Variants in SIGLECL1 observed in about 807,000 individuals in gnomAD.
SIGLECL1 encodes the protein SIGLEC family like 1, also known as SIGLEC family-like protein 1.
A neutral mutation model predicts 19.1 loss-of-function variants in SIGLECL1; 16 were observed. The observed-to-expected ratio is 0.84, with a 90% confidence interval of 0.57 to 1.27. The LOEUF (loss-of-function observed/expected upper bound fraction) is 1.27, where lower values mean the gene tolerates loss of function less well. Ranked by LOEUF, SIGLECL1 falls within the 50% of genes most tolerant of loss-of-function variation. The probability of loss-of-function intolerance (pLI) is 0.00; values close to 1 mark genes in which losing one functional copy is unlikely to be tolerated. For synonymous variants in SIGLECL1, 89 were observed against 90.4 expected, an observed-to-expected ratio of 0.98 and a Z score of 0.09; for missense variants, 210 against 239.4, an observed-to-expected ratio of 0.88 and a Z score of 0.81.
At chr19:51,261,452 C>A (rs1983215444) in intron 1 of SIGLECL1, among the ~76,000 whole-genome samples, 1 of 152,058 alleles carries the variant, frequency 6.6e-6, no homozygotes, top group Non-Finnish European at 1.5e-5. Context: ...CCACACCCAG[C>A]TAATTTTTTG....
chr19:51,252,076 C>G (rs189919437), intron 1 of SIGLECL1, among the ~76,000 whole-genome samples: 17 of 152,194 alleles, frequency 1.1e-4, no homozygotes, highest in Admixed American at 2.0e-4. Flanking sequence ...GGCCGGGGAT[C>G]ACTTGAGGTC....
intron 1 of SIGLECL1, among the ~76,000 whole-genome samples, chr19:51,256,515 G>A (rs1273724058): frequency 6.6e-6 from 1 of 152,164 alleles, no homozygotes; most frequent in Non-Finnish European, 1.5e-5. Context: ...CAGGGCTGAG[G>A]GCTAAGGGAA....
At chr19:51,252,190 G>A (rs951906847) in intron 1 of SIGLECL1, among the ~76,000 whole-genome samples, 9 of 151,954 alleles carry the variant, frequency 5.9e-5, no homozygotes, top group Non-Finnish European at 4.4e-5. Context: ...CCAGCTACTC[G>A]GGAGGCTGAG....
chr19:51,247,760 A>G (rs1982313614), upstream of SIGLECL1, among the ~76,000 whole-genome samples: 1 of 152,226 alleles, frequency 6.6e-6, no homozygotes, highest in African/African-American at 2.4e-5. Context: ...GAAGAAGTTT[A>G]TCGCAAAGCA....
chr19:51,250,669 G>A (rs186134262), upstream of SIGLECL1, among the ~76,000 whole-genome samples: 126 of 152,358 alleles, frequency 8.3e-4, no homozygotes, highest in African/African-American at 2.7e-3. Context: ...CTCAGGGTTG[G>A]AGAGGAGTGT....
intron 1 of SIGLECL1, among the ~76,000 whole-genome samples, chr19:51,254,452 G>A (rs1411021367): frequency 3.3e-5 from 5 of 151,874 alleles, no homozygotes; most frequent in East Asian, 1.9e-4. Context: ...ATTATTCAAC[G>A]ATAACAATGA....
chr19:51,261,586 C>T lies in SIGLECL1; in HGVS notation c.-190-2297C>T, dbSNP rs538278214. ...TACAGGCATGAGCCACCGCTCCCGGCCCATTTGGTTTTTTAACTGTCCTTT... is the reference window on the plus strand; with the variant it reads ...TACAGGCATGAGCCACCGCTCCCGGTCCATTTGGTTTTTTAACTGTCCTTT... On this transcript the variant is annotated intron_variant, in intron 1 of 5. Transcript: ENST00000601727. 3.9e-5 allele frequency among the ~76,000 whole-genome samples: 6 copies of T among 152,328 alleles called. No homozygotes were observed. In the East Asian group the frequency reaches 7.7e-4, roughly 20 times the overall value.
At chr19:51,264,486 C>T (rs1983487994) in intron 2 of SIGLECL1, 1 of 159,088 alleles carries the variant, frequency 6.3e-6, no homozygotes, top group African/African-American at 2.4e-5. Flanking sequence ...CCCGCAGATT[C>T]CTCAACAGCG....
intron 1 of SIGLECL1, among the ~76,000 whole-genome samples, chr19:51,254,912 G>A (rs1982711888): frequency 6.6e-6 from 1 of 152,142 alleles, no homozygotes; most frequent in African/African-American, 2.4e-5. Context: ...TACTCACATG[G>A]AAATTGGACA....
At position 51,265,784 on chromosome 19, in the gene SIGLECL1, T is replaced by C; in HGVS notation, c.312T>C (p.Ser104=). 6.2e-7 allele frequency: 1 copy of C among 1,613,952 alleles called. No individual in the cohort carries two copies. The highest frequency in any genetic ancestry group is 8.5e-7 in the Non-Finnish European group (1 of 1,179,974). ...ALSILLMSRK[S]SLAAQAFVKG... ...CATGCTCTCTGCTTCCAGGAAAGAG[T>C]TCTTTGGCTGCCCAGGCCTTCGTGA... The change falls in exon 4 of 6, where the codon AGT becomes AGC. Residue 104 remains serine (S), a synonymous_variant. Transcript: ENST00000601727.
rs199961235 is a variant in SIGLECL1 at position 51,267,399 on chromosome 19, C to T, written c.437C>T (p.Ala146Val). 21 of 1,613,250 alleles carry T rather than the reference C, an allele frequency of 1.3e-5. 1 individual carries two copies. The highest frequency in any genetic ancestry group is 1.6e-4 in the Middle Eastern group (1 of 6,062). The stretch of plus-strand genomic sequence containing the variant: ...GTGAAACATATCAGAAAGAAGCAGG[C>T]GAAGAAAGCTGCAGCGATCAGAGCA... ...LIVKHIRKKQ[A>V]KKAAAIRAKK... Residue 146 changes from alanine (A) to valine (V), a missense_variant, in exon 5 of 6, where the codon GCG (alanine) becomes GTG (valine). Ala to Val is a moderately conservative substitution (Grantham distance 64, BLOSUM62 0). Transcript: ENST00000601727.
At chr19:51,251,026 C>G (rs1161461169), upstream of SIGLECL1, 1 of 152,294 alleles carries the variant, frequency 6.6e-6, no homozygotes, top group Admixed American at 6.5e-5. Flanking sequence ...CATGCAGCCT[C>G]TGATTGGCTG....
intron 1 of SIGLECL1, among the ~76,000 whole-genome samples, chr19:51,259,658 C>T (rs879534965): frequency 5.9e-5 from 9 of 152,168 alleles, no homozygotes; most frequent in Admixed American, 1.3e-4. Context: ...ATCCTGACAC[C>T]TGAAATCCTC....
chr19:51,252,052 C>G (rs185442607), intron 1 of SIGLECL1, among the ~76,000 whole-genome samples: 6 of 152,306 alleles, frequency 3.9e-5, no homozygotes, highest in Non-Finnish European at 7.3e-5. Context: ...AATCCCAGCA[C>G]TTTGGGAGGC....
chr19:51,249,554 GGGAACTGCT>G (rs1323453567), upstream of SIGLECL1, among the ~76,000 whole-genome samples: 1 of 152,142 alleles, frequency 6.6e-6, no homozygotes, highest in East Asian at 1.9e-4. Flanking sequence ...GCAGTGGAAG[GGGAACTGCT>G]GCAACAGGGA....
chr19:51,263,927 G>T lies in SIGLECL1; in HGVS notation c.-146G>T. ...GACCAGAGACAGAAGCCCCTGACTT[G>T]GCTAAAGATACTTCTGCTCTCCCCA... On this transcript the variant is annotated 5_prime_UTR_variant, in exon 2 of 6. Coordinates refer to ENST00000601727, the MANE Select transcript of SIGLECL1 (RefSeq NM_001385465.1). 1.0e-6 allele frequency: 1 copy of T among 958,244 alleles called. No individual in the cohort carries two copies. The highest frequency in any genetic ancestry group is 1.6e-6 in the Non-Finnish European group (1 of 640,750). 59.4% of individuals were successfully genotyped at this position (958,244 alleles called of 1,614,324 possible).
chr19:51,252,640 A>C (rs1405868718), intron 1 of SIGLECL1, among the ~76,000 whole-genome samples: 1 of 152,212 alleles, frequency 6.6e-6, no homozygotes, highest in Non-Finnish European at 1.5e-5. Flanking sequence ...GGCGTGAATG[A>C]GAGAGGCATT....
upstream of SIGLECL1, among the ~76,000 whole-genome samples, chr19:51,250,101 T>C (rs1012304710): frequency 3.3e-5 from 5 of 150,242 alleles, no homozygotes; most frequent in African/African-American, 1.0e-4. Flanking sequence ...TTTTTTTTCC[T>C]TTTGAGTCAG....
Position 51,265,615 on chromosome 19 carries a change from C to G in SIGLECL1, c.270C>G (p.Asn90Lys). 6.2e-7 allele frequency: 1 copy of G among 1,614,102 alleles called. No homozygotes were observed. Among genetic ancestry groups the G allele is most frequent in the Non-Finnish European group, 8.5e-7 (1 of 1,179,988 alleles). The change falls in exon 3 of 6, where the codon AAC becomes AAG. Residue 90 changes from asparagine (N) to lysine (K), a missense_variant. Coordinates refer to ENST00000601727, the MANE Select transcript of SIGLECL1 (RefSeq NM_001385465.1). ...MRLLCEGKNQ[N>K]GTHALSILLM... ...TTCTCTGTGAGGGGAAGAACCAAAA[C>G]GGAACCCATGCTTTGAGCATCCTAC... is the stretch of plus-strand genomic sequence containing the variant.
Sources: gnomAD v4.1 joint callset for allele counts (sites outside exome capture counted in the v4.1 genomes callset) on GRCh38, gnomAD v4.1.1 for gene constraint, MANE v1.5 for transcripts, NCBI Gene and HGNC (gene_info 2026-07-23, HGNC 2026-07-21) for gene names.